CFAP54: variants seen among roughly 807,000 people sequenced by gnomAD.
CFAP54 encodes cilia and flagella associated protein 54, also known as cilia- and flagella-associated protein 54.
In CFAP54, 290 loss-of-function variants were observed where a neutral mutation model predicts 370.4. The ratio of observed to expected loss-of-function variants is 0.78; its 90% CI spans 0.71 to 0.86. CFAP54 has a LOEUF of 0.86. CFAP54 is among the 40% of genes least tolerant of loss of function. CFAP54 has a pLI of 0.00. For synonymous variants in CFAP54, 1,206 were observed against 1,236.5 expected, an observed-to-expected ratio of 0.98 and a Z score of 0.52; for missense variants, 3,399 against 3,528.7, an observed-to-expected ratio of 0.96 and a Z score of 0.93.
intron 47 of CFAP54, among the ~76,000 whole-genome samples, chr12:96,707,497 A>G (rs1307246638): frequency 1.3e-5 from 2 of 152,108 alleles, no homozygotes; most frequent in East Asian, 3.9e-4. Flanking sequence ...GAGAAACTGG[A>G]ACTCTTCAGA....
intron 12 of CFAP54, among the ~76,000 whole-genome samples, chr12:96,535,968 C>T (rs1955497955): frequency 6.6e-6 from 1 of 152,124 alleles, no homozygotes; most frequent in Non-Finnish European, 1.5e-5. Context: ...TTAAAATGAC[C>T]TATAAGAGGG....
At chr12:96,573,093 G>A in intron 19 of CFAP54, 1 of 934,100 alleles carries the variant, frequency 1.1e-6, no homozygotes, top group Non-Finnish European at 1.3e-6. Flanking sequence ...GTGGGCCAGT[G>A]CTGCTGGTAT....
intron 1 of CFAP54, among the ~76,000 whole-genome samples, chr12:96,499,989 A>AACAAAAAAT (rs1565875567): frequency 6.6e-5 from 10 of 151,994 alleles, no homozygotes; most frequent in Non-Finnish European, 1.5e-4. Flanking sequence ...AAACAAAAAA[A>AACAAAAAAT]ACCGTGCGCA....
chr12:96,734,681 T>G (rs1191485280), intron 50 of CFAP54, among the ~76,000 whole-genome samples: 2 of 152,118 alleles, frequency 1.3e-5, no homozygotes, highest in Non-Finnish European at 2.9e-5. Context: ...TTCTTAAAAA[T>G]TAGGTTATTT....
Position 96,630,559 on chromosome 12 carries a change from A to G in CFAP54, c.4224A>G (p.Glu1408=), listed in dbSNP as rs1402402925. ...TTATCTCCTCTATTAAGAGTGCAGAAATGCAACAAAGAATAAGAAGTAAAA... is the reference window on the plus strand; with the variant it reads ...TTATCTCCTCTATTAAGAGTGCAGAGATGCAACAAAGAATAAGAAGTAAAA... ...AAVMEIGRSA[E]MQQRIRSKKK... Residue 1408 remains glutamate (E), a synonymous_variant, in exon 32 of 68, where the codon GAA becomes GAG. Transcript: ENST00000524981. 6.9e-7 allele frequency: 1 copy of G among 1,454,220 alleles called. No individual in the cohort carries two copies. The highest frequency in any genetic ancestry group is 1.4e-5 in the African/African-American group (1 of 69,452). 90.1% of individuals were successfully genotyped at this position (1,454,220 alleles called of 1,614,324 possible).
At chr12:96,580,182 A>G (rs531502385) in intron 20 of CFAP54, among the ~76,000 whole-genome samples, 3 of 152,130 alleles carry the variant, frequency 2.0e-5, no homozygotes, top group African/African-American at 7.2e-5. Context: ...TTTTACATCA[A>G]GACAAAGTCA....
At chr12:96,789,448 C>T (rs1958662806) in intron 62 of CFAP54, among the ~76,000 whole-genome samples, 1 of 152,178 alleles carries the variant, frequency 6.6e-6, no homozygotes, top group Admixed American at 6.5e-5. Flanking sequence ...AGGATTACTG[C>T]CAGGTGTCAC....
chr12:96,544,500 A>G (rs567729995), intron 14 of CFAP54, among the ~76,000 whole-genome samples: 96 of 151,988 alleles, frequency 6.3e-4, no homozygotes, highest in African/African-American at 2.1e-3. Flanking sequence ...ATGGCCATAG[A>G]AACTGAAAAT....
intron 35 of CFAP54, 107 bp from the exon 36 acceptor site, chr12:96,651,481 T>C: frequency 1.2e-6 from 1 of 833,952 alleles, no homozygotes; most frequent in Non-Finnish European, 1.9e-6. Context: ...ACAAATGATG[T>C]TAGTTATTTT....
intron 19 of CFAP54, among the ~76,000 whole-genome samples, chr12:96,573,764 CAT>C (rs764007432): frequency 2.6e-5 from 4 of 152,192 alleles, no homozygotes; most frequent in Non-Finnish European, 5.9e-5. Flanking sequence ...ACTGATACCT[CAT>C]ATGTGTATAT....
chr12:96,822,258 A>G (rs921561543), intron 65 of CFAP54, among the ~76,000 whole-genome samples: 8 of 152,116 alleles, frequency 5.3e-5, no homozygotes, highest in African/African-American at 1.7e-4. Context: ...GATGCAAAAC[A>G]CCCTGATTTT....
At chr12:96,550,386 G>A (rs1955681866) in intron 15 of CFAP54, among the ~76,000 whole-genome samples, 1 of 152,158 alleles carries the variant, frequency 6.6e-6, no homozygotes, top group African/African-American at 2.4e-5. Context: ...AGACCAGCCT[G>A]GCCAACATGG....
At chr12:96,732,540 T>C (rs1036873914) in intron 50 of CFAP54, among the ~76,000 whole-genome samples, 1 of 152,222 alleles carries the variant, frequency 6.6e-6, no homozygotes, top group Non-Finnish European at 1.5e-5. Context: ...TTATTTATTT[T>C]AATATGTAAT....
chr12:96,682,228 C>T (rs773295073), intron 40 of CFAP54: 3 of 985,280 alleles, frequency 3.0e-6, no homozygotes, highest in Non-Finnish European at 3.6e-6. Context: ...TATGTCAATA[C>T]CCCCTGACCT....
chr12:96,801,568 G>A (rs775745605), intron 63 of CFAP54, among the ~76,000 whole-genome samples: 3 of 152,142 alleles, frequency 2.0e-5, no homozygotes, highest in Non-Finnish European at 4.4e-5. Flanking sequence ...ACGGCTAAAG[G>A]TTTGATTGAC....
At chr12:96,777,134 G>A (rs1958525072) in intron 60 of CFAP54, among the ~76,000 whole-genome samples, 1 of 151,850 alleles carries the variant, frequency 6.6e-6, no homozygotes, top group South Asian at 2.1e-4. Context: ...AGTAAAAATG[G>A]CAGTCCATGA....
intron 26 of CFAP54, among the ~76,000 whole-genome samples, chr12:96,606,590 G>A (rs1956303512): frequency 6.6e-6 from 1 of 152,146 alleles, no homozygotes; most frequent in Non-Finnish European, 1.5e-5. Flanking sequence ...AAAGAGATGA[G>A]GAATTCTGAA....
intron 14 of CFAP54, among the ~76,000 whole-genome samples, chr12:96,546,024 G>A (rs926258557): frequency 6.6e-6 from 1 of 152,198 alleles, no homozygotes; most frequent in African/African-American, 2.4e-5. Context: ...GTGAGCCACT[G>A]TTGCAAATTA....
chr12:96,853,472 G>A (rs34447), intron 66 of CFAP54, among the ~76,000 whole-genome samples: 144,982 of 152,236 alleles, frequency 0.95, 69,085 homozygotes, highest in East Asian at 1. Flanking sequence ...CATTTTGAAA[G>A]AAAGTGTATA....
Sources: gnomAD v4.1 joint callset for allele counts (sites outside exome capture counted in the v4.1 genomes callset) on GRCh38, gnomAD v4.1.1 for gene constraint, MANE v1.5 for transcripts, NCBI Gene and HGNC (gene_info 2026-07-23, HGNC 2026-07-21) for gene names.